The following RSPO1 variants were observed in gnomAD, a reference collection of about 807,000 sequenced individuals.
The protein encoded by RSPO1 is R-spondin-1.
In RSPO1, 18 loss-of-function variants were observed where a neutral mutation model predicts 26.0. The observed-to-expected ratio is 0.69, with a 90% confidence interval of 0.48 to 1.03. The LOEUF is 1.03. Ranked by LOEUF, RSPO1 falls within the 50% of genes least tolerant of loss-of-function variation. The pLI is 0.00. For synonymous variants in RSPO1, 133 were observed against 137.4 expected (o/e 0.97, Z 0.22); for missense variants, 309 against 352.3 (o/e 0.88, Z 0.98).
chr1:37,612,854 C>G lies in RSPO1; in HGVS notation c.693G>C (p.Glu231Asp). 6.2e-7 allele frequency: 1 copy of G among 1,614,088 alleles called. No individual in the cohort carries two copies. The highest frequency in any genetic ancestry group is 2.2e-5 in the East Asian group (1 of 44,892). ...GAGAGCCAGCACCCGCCTCCTTGCT[C>G]TCCTTCCTGGCCAGGTTCCTGTTGG... ...ENANRNLARKESKEAGAGSRR... is the reference protein window; with the variant it reads ...ENANRNLARKDSKEAGAGSRR... The change falls in exon 7 of 7, where the codon GAG becomes GAC. Residue 231 changes from glutamate to aspartate, a missense_variant. Coordinates refer to ENST00000356545, the MANE Select transcript of RSPO1 (RefSeq NM_001242908.2).
chr1:37,631,083 C>A (rs1409659809), intron 2 of RSPO1, among the ~76,000 whole-genome samples: 1 of 152,076 alleles, frequency 6.6e-6, no homozygotes, highest in Non-Finnish European at 1.5e-5. Context: ...GCCCCTCCCA[C>A]CCCCTGTCCT....
intron 3 of RSPO1, among the ~76,000 whole-genome samples, chr1:37,627,962 G>A (rs939047981): frequency 6.6e-6 from 1 of 152,174 alleles, no homozygotes; most frequent in South Asian, 2.1e-4. Context: ...TATGAAAAGC[G>A]AGCAAGCACG....
rs967858513 is a variant in RSPO1, at chr1:37,614,033, G to A, written c.437-141C>T. The A allele has an allele frequency of 2.3e-6, 3 of 1,314,920 alleles. No homozygotes were observed. In the African/African-American group the frequency reaches 4.4e-5, roughly 19 times the overall value. 81.5% of individuals were successfully genotyped at this position (1,314,920 alleles called of 1,614,324 possible). Reference sequence around the variant, plus strand: ...GGCTGCAGGTATCTTTAGTCCAGAGGGCAGAAAAGTCCTTGGAGACTCAGA... The same window carrying A: ...GGCTGCAGGTATCTTTAGTCCAGAGAGCAGAAAAGTCCTTGGAGACTCAGA... On this transcript the variant is annotated intron_variant, in intron 5 of 6. Transcript: ENST00000356545.
chr1:37,613,687 C>G lies in RSPO1; in HGVS notation c.625+17G>C. The stretch of plus-strand genomic sequence containing the variant: ...TGCCTGAGCCCTGACCCCAGGGAGG[C>G]AGAGGCTGCAGCTCACCCTCAGGAC... On this transcript the variant is annotated intron_variant, in intron 6 of 6. Coordinates refer to ENST00000356545, the MANE Select transcript of RSPO1 (RefSeq NM_001242908.2). The surrounding 1 kb of genome is among the most constrained non-coding windows in gnomAD (Gnocchi z 4.5). 1.9e-6 allele frequency: 3 copies of G among 1,605,126 alleles called. No homozygotes were observed. Among genetic ancestry groups the G allele is most frequent in the Non-Finnish European group, 2.6e-6 (3 of 1,173,890 alleles).
In RSPO1 at chr1:37,612,566, C is replaced by T. The variant is rs112857777; in HGVS notation, c.*189G>A. Reference sequence around the variant, plus strand: ...GTGTCTGCGTGTGTACATGAACACACATGTGCAAGTATGTATGGTTGTATA... The same window carrying T: ...GTGTCTGCGTGTGTACATGAACACATATGTGCAAGTATGTATGGTTGTATA... On this transcript the variant is annotated 3_prime_UTR_variant, in exon 7 of 7. Transcript: ENST00000356545. 13 of 670,204 alleles carry T rather than the reference C, an allele frequency of 1.9e-5. No individual in the cohort carries two copies. The highest frequency in any genetic ancestry group is 1.6e-4 in the African/African-American group (9 of 56,750). 41.5% of individuals were successfully genotyped at this position (670,204 alleles called of 1,614,324 possible).
rs201565704 is a variant in RSPO1, at chr1:37,617,137, T to C, written c.95-462A>G. ...AAACACAAAGACAATTGGAATAATCTATGCCTAGAACAGGGGTCTCAACCA... is the reference window on the plus strand; with the variant it reads ...AAACACAAAGACAATTGGAATAATCCATGCCTAGAACAGGGGTCTCAACCA... On this transcript the variant is annotated intron_variant, in intron 3 of 6. Coordinates refer to ENST00000356545, the MANE Select transcript of RSPO1 (RefSeq NM_001242908.2). Among the ~76,000 whole-genome samples, 44 of 152,314 alleles carry C rather than the reference T, an allele frequency of 2.9e-4. 1 individual carries two copies. The East Asian group carries it at 8.3e-3, about 29-fold the overall frequency.
At chr1:37,621,351 G>A (rs1223486331) in intron 3 of RSPO1, among the ~76,000 whole-genome samples, 2 of 152,196 alleles carry the variant, frequency 1.3e-5, no homozygotes, top group Non-Finnish European at 2.9e-5. Flanking sequence ...AGATCACTCC[G>A]TAGAGTGGTG....
intron 3 of RSPO1, among the ~76,000 whole-genome samples, chr1:37,623,522 G>A (rs1432623102): frequency 1.3e-5 from 2 of 151,972 alleles, no homozygotes; most frequent in African/African-American, 2.4e-5. Context: ...GGGGAGGAGG[G>A]TGTTCCACAC....
At chr1:37,631,112 C>G (rs1644355292) in intron 2 of RSPO1, among the ~76,000 whole-genome samples, 1 of 152,064 alleles carries the variant, frequency 6.6e-6, no homozygotes, top group Non-Finnish European at 1.5e-5. Context: ...CCCCTCTAGG[C>G]TCTTCAGTGC....
chr1:37,615,591 A>G (rs1349112243), intron 4 of RSPO1, among the ~76,000 whole-genome samples: 1 of 152,164 alleles, frequency 6.6e-6, no homozygotes, highest in East Asian at 1.9e-4. Flanking sequence ...TCTCCCTCCC[A>G]GTGTTGTTGT....
At chr1:37,631,825 G>A (rs1644364830) in intron 2 of RSPO1, 1 of 152,164 alleles carries the variant, frequency 6.6e-6, no homozygotes, top group South Asian at 2.1e-4. Flanking sequence ...AACATGTTCT[G>A]TATCATCTGG....
In RSPO1 at chr1:37,629,694, G is replaced by A. The variant is rs1369333599; in HGVS notation, c.-33C>T. Reference sequence around the variant, plus strand: ...CGCCAGCTCCAGGCCCCTGGTCGGAGGGGTGGTCTCGGGGAGGGTGGATAG... The same window carrying A: ...CGCCAGCTCCAGGCCCCTGGTCGGAAGGGTGGTCTCGGGGAGGGTGGATAG... On this transcript the variant is annotated 5_prime_UTR_variant, in exon 3 of 7. Transcript: ENST00000356545. 6 of 1,612,910 alleles carry A rather than the reference G, an allele frequency of 3.7e-6. No individual in the cohort carries two copies. The African/African-American group carries it at 5.3e-5, about 14-fold the overall frequency.
At position 37,629,687 on chromosome 1, in the gene RSPO1, G is replaced by A. The variant is rs767056472; in HGVS notation, c.-26C>T. On this transcript the variant is annotated 5_prime_UTR_variant, in exon 3 of 7. Transcript: ENST00000356545. ...AGTCACGCGCCAGCTCCAGGCCCCTGGTCGGAGGGGTGGTCTCGGGGAGGG... is the reference window on the plus strand; with the variant it reads ...AGTCACGCGCCAGCTCCAGGCCCCTAGTCGGAGGGGTGGTCTCGGGGAGGG... 1.2e-6 allele frequency: 2 copies of A among 1,613,564 alleles called. No individual in the cohort carries two copies. The highest frequency in any genetic ancestry group is 1.7e-6 in the Non-Finnish European group (2 of 1,179,790).
At chr1:37,619,204 C>T (rs532879268) in intron 3 of RSPO1, among the ~76,000 whole-genome samples, 1 of 152,304 alleles carries the variant, frequency 6.6e-6, no homozygotes, top group East Asian at 1.9e-4. Context: ...GCCTGAGTGA[C>T]AGAGCAAGAC....
Position 37,621,760 on chromosome 1 carries a change from GTTCTTTT to G in RSPO1, c.95-5092_95-5086del, listed in dbSNP as rs546386523. Among the ~76,000 whole-genome samples, 1,179 of 151,504 alleles carry G rather than the reference GTTCTTTT, an allele frequency of 7.8e-3. 8 individuals are homozygous for G. The highest frequency in any genetic ancestry group is 0.024 in the African/African-American group (1,011 of 41,266). On this transcript the variant is annotated intron_variant, in intron 3 of 6. Transcript: ENST00000356545. ...TTTTGGCTGGAGATTGAGACGCTGA[GTTCTTTT>G]TTCTTTTTTCTTTTTTCTTTTTTTT... is the stretch of plus-strand genomic sequence containing the variant.
chr1:37,631,307 C>T (rs1644357964), intron 2 of RSPO1, among the ~76,000 whole-genome samples: 2 of 152,216 alleles, frequency 1.3e-5, no homozygotes, highest in Non-Finnish European at 2.9e-5. Flanking sequence ...ATGGATCCCA[C>T]CTGGTGCTGT....
At chr1:37,622,995 G>C (rs1354480531) in intron 3 of RSPO1, among the ~76,000 whole-genome samples, 1 of 152,074 alleles carries the variant, frequency 6.6e-6, no homozygotes, top group Non-Finnish European at 1.5e-5. Context: ...ATGGAGTAGA[G>C]ACCCGAGGAC....
At chr1:37,615,337 C>A (rs899981944) in intron 4 of RSPO1, among the ~76,000 whole-genome samples, 2 of 152,168 alleles carry the variant, frequency 1.3e-5, no homozygotes, top group Admixed American at 6.5e-5. Context: ...TAGCAGCTAC[C>A]ATTCATTGAG....
In RSPO1 at chr1:37,634,260, C is replaced by T. The variant is rs1644404612; in HGVS notation, c.-356+306G>A. On this transcript the variant is annotated intron_variant, in intron 1 of 6. Transcript: ENST00000356545. This position sits in a 1 kb window ranked among gnomAD's most constrained non-coding sequence, Gnocchi z 4.7. ...GATTGGAGGCGGGGTATAAACAGGG[C>T]TGGTGGACTTGGGGAATTCAGGACT... Among the ~76,000 whole-genome samples, 1 of 152,154 alleles carries T rather than the reference C, an allele frequency of 6.6e-6. No individual in the cohort carries two copies. Among genetic ancestry groups the T allele is most frequent in the Non-Finnish European group, 1.5e-5 (1 of 68,026 alleles).
Sources: gnomAD v4.1 joint callset for allele counts (sites outside exome capture counted in the v4.1 genomes callset) on GRCh38, gnomAD v4.1.1 for gene constraint, Gnocchi (gnomAD v3.1) non-coding constraint, MANE v1.5 for transcripts, NCBI Gene and HGNC (gene_info 2026-07-23, HGNC 2026-07-21) for gene names.